DCP1B: variants seen among roughly 807,000 people sequenced by gnomAD.
The protein encoded by DCP1B is mRNA-decapping enzyme 1B.
Under a neutral mutation model 60.5 loss-of-function variants are expected in DCP1B, and 47 were observed. That is an observed-to-expected ratio of 0.78 (90% CI 0.61 to 0.99). The LOEUF (loss-of-function observed/expected upper bound fraction) is 0.99. Ranked by LOEUF, DCP1B falls within the 50% of genes least tolerant of loss-of-function variation. DCP1B has a pLI of 0.00. For missense variants in DCP1B, 725 were observed against 756.8 expected (o/e 0.96, Z 0.49); for synonymous variants, 267 against 280.3 (o/e 0.95, Z 0.47).
intron 3 of DCP1B, among the ~76,000 whole-genome samples, chr12:1,981,504 T>A (rs183026737): frequency 6.6e-6 from 1 of 152,274 alleles, no homozygotes; most frequent in Non-Finnish European, 1.5e-5. Context: ...ATACATAAGG[T>A]AAACTATAAG....
intron 1 of DCP1B, among the ~76,000 whole-genome samples, chr12:2,001,231 T>C (rs148146621): frequency 6.6e-6 from 1 of 152,256 alleles, no homozygotes; most frequent in Non-Finnish European, 1.5e-5. Flanking sequence ...TTTTTTTTTC[T>C]TTCTGAGCAA....
At chr12:1,984,942 G>A (rs2154469514) in intron 3 of DCP1B, among the ~76,000 whole-genome samples, 1 of 150,636 alleles carries the variant, frequency 6.6e-6, no homozygotes, top group Middle Eastern at 3.4e-3. Flanking sequence ...CTGTCTTCTG[G>A]CCTACATAAT....
At chr12:1,997,782 CCTT>C (rs1223756908) in intron 2 of DCP1B, among the ~76,000 whole-genome samples, 150 bp downstream of exon 2, 2 of 152,130 alleles carry the variant, frequency 1.3e-5, no homozygotes, top group African/African-American at 4.8e-5. Context: ...TTTGGTATTC[CCTT>C]CTTCGTGTCA....
chr12:1,977,508 T>C lies in DCP1B; in HGVS notation c.320-9598A>G, dbSNP rs147466721. Among the ~76,000 whole-genome samples, 170 of 152,362 alleles carry C rather than the reference T, an allele frequency of 1.1e-3. 1 individual carries two copies. Among genetic ancestry groups the C allele is most frequent in the Non-Finnish European group, 2.1e-3 (143 of 68,040 alleles). ...TACACATATACACATATAACAATTC[T>C]AGAATATAAGTGATTTGCGAATTTT... On this transcript the variant is annotated intron_variant, in intron 3 of 8. Transcript: ENST00000280665.
At chr12:1,996,617 A>G (rs2470399) in intron 2 of DCP1B, among the ~76,000 whole-genome samples, 1 of 59,804 alleles carries the variant, frequency 1.7e-5, no homozygotes, top group Non-Finnish European at 3.1e-5. Context: ...CTGATGAGCT[A>G]AAAAAAAAAA....
At chr12:1,966,258 GCT>G (rs1435214363) in intron 4 of DCP1B, 2 of 152,188 alleles carry the variant, frequency 1.3e-5, no homozygotes, top group Admixed American at 1.3e-4. Context: ...AAATCCTGCA[GCT>G]CTCTGGCAGT....
intron 3 of DCP1B, among the ~76,000 whole-genome samples, chr12:1,973,735 A>C (rs1382762248): frequency 6.6e-6 from 1 of 152,200 alleles, no homozygotes; most frequent in African/African-American, 2.4e-5. Context: ...AAACTTTTAA[A>C]AATTAGGAAG....
chr12:1,979,554 C>T (rs999716676), intron 3 of DCP1B, among the ~76,000 whole-genome samples: 7 of 152,238 alleles, frequency 4.6e-5, no homozygotes, highest in South Asian at 2.1e-4. Context: ...TCAAGTGATC[C>T]GCCCGCCTCA....
intron 7 of DCP1B, among the ~76,000 whole-genome samples, chr12:1,949,709 A>T (rs2030588669): frequency 6.6e-6 from 1 of 152,148 alleles, no homozygotes; most frequent in Non-Finnish European, 1.5e-5. Flanking sequence ...CACCCTTGTT[A>T]GGGGCCTCCC....
chr12:1,955,340 C>A (rs2030843644), intron 6 of DCP1B, 92 bp downstream of exon 6: 3 of 1,396,632 alleles, frequency 2.1e-6, no homozygotes, highest in African/African-American at 2.9e-5. Context: ...CATTCTTCAA[C>A]AACACCAGGC....
intron 3 of DCP1B, among the ~76,000 whole-genome samples, chr12:1,990,952 G>A (rs2039221560): frequency 1.3e-5 from 2 of 149,818 alleles, no homozygotes; most frequent in Admixed American, 6.7e-5. Context: ...ATGACTCTGG[G>A]TGCAAAGGCA....
chr12:1,982,227 A>C (rs901344361), intron 3 of DCP1B, among the ~76,000 whole-genome samples: 2 of 152,170 alleles, frequency 1.3e-5, no homozygotes, highest in African/African-American at 4.8e-5. Flanking sequence ...GTGTTAAAAT[A>C]TTAAAAACAT....
downstream of DCP1B, among the ~76,000 whole-genome samples, chr12:1,942,996 A>G (rs1232907335): frequency 5.9e-5 from 9 of 152,230 alleles, no homozygotes; most frequent in East Asian, 1.9e-4. Flanking sequence ...CAAAAAATCA[A>G]TGAATCCAGG....
chr12:1,947,412 T>C (rs2030474351), intron 8 of DCP1B, among the ~76,000 whole-genome samples: 1 of 152,306 alleles, frequency 6.6e-6, no homozygotes, highest in East Asian at 1.9e-4. Flanking sequence ...CTGCATGAGA[T>C]TGTGTCCTAA....
At chr12:1,954,461 A>G (rs2030805992) in intron 6 of DCP1B, among the ~76,000 whole-genome samples, 1 of 152,210 alleles carries the variant, frequency 6.6e-6, no homozygotes, top group African/African-American at 2.4e-5. Flanking sequence ...AAAATGACAC[A>G]GCAATATTAT....
At chr12:1,955,134 G>A (rs2030834845) in intron 6 of DCP1B, among the ~76,000 whole-genome samples, 1 of 152,166 alleles carries the variant, frequency 6.6e-6, no homozygotes, top group Non-Finnish European at 1.5e-5. Context: ...TGGGATTACA[G>A]GCTTGAGCCA....
At chr12:1,959,497 C>T (rs371242981) in intron 5 of DCP1B, among the ~76,000 whole-genome samples, 6 of 152,140 alleles carry the variant, frequency 3.9e-5, no homozygotes, top group African/African-American at 7.2e-5. Flanking sequence ...TGCTCGACAT[C>T]GCTAATCATC....
intron 3 of DCP1B, among the ~76,000 whole-genome samples, chr12:1,982,225 A>C (rs1165894016): frequency 6.6e-6 from 1 of 152,206 alleles, no homozygotes; most frequent in Admixed American, 6.5e-5. Flanking sequence ...TTGTGTTAAA[A>C]TATTAAAAAC....
intron 2 of DCP1B, among the ~76,000 whole-genome samples, chr12:1,996,556 T>C (rs569412448): frequency 3.6e-5 from 5 of 140,636 alleles, no homozygotes; most frequent in East Asian, 4.2e-4. Context: ...CTGGGACACC[T>C]TGGAAAGGGA....
Sources: gnomAD v4.1 joint callset for allele counts (sites outside exome capture counted in the v4.1 genomes callset) on GRCh38, gnomAD v4.1.1 for gene constraint, MANE v1.5 for transcripts, NCBI Gene and HGNC (gene_info 2026-07-23, HGNC 2026-07-21) for gene names.